The following LIMCH1 variants were observed in gnomAD, a reference collection of about 807,000 sequenced individuals.
LIMCH1 encodes LIM and calponin homology domains-containing protein 1.
A neutral mutation model predicts 176.5 loss-of-function variants in LIMCH1; 113 were observed. That is an observed-to-expected ratio of 0.64 (90% CI 0.55 to 0.75). The LOEUF is 0.75. Among genes scored for constraint, LIMCH1 ranks in the 30% least tolerant of loss-of-function variants. LIMCH1 has a pLI of 0.00. For synonymous variants in LIMCH1, 619 were observed against 645.9 expected, an observed-to-expected ratio of 0.96 and a Z score of 0.63; for missense variants, 1,674 against 1,814.9, an observed-to-expected ratio of 0.92 and a Z score of 1.41.
At chr4:41,477,022 C>T (rs2067851202) in intron 1 of LIMCH1, among the ~76,000 whole-genome samples, 1 of 152,154 alleles carries the variant, frequency 6.6e-6, no homozygotes, top group African/African-American at 2.4e-5. Context: ...TCTGATCTTT[C>T]TTTGCAACTC....
chr4:41,611,704 A>G (rs2091435785), intron 4 of LIMCH1, among the ~76,000 whole-genome samples: 1 of 152,242 alleles, frequency 6.6e-6, no homozygotes. Context: ...GTGAGGATTA[A>G]ATAACATAAC....
chr4:41,510,969 A>G (rs2074834169), intron 2 of LIMCH1, among the ~76,000 whole-genome samples: 1 of 152,234 alleles, frequency 6.6e-6, no homozygotes. Context: ...GAATAAAAAG[A>G]AAAAGTGAAG....
Position 41,646,872 on chromosome 4 carries a change from A to G in LIMCH1, c.2799A>G (p.Gln933=), listed in dbSNP as rs577604561. ...PKPYSQPKNS[Q]DVLKTFKVDG... The stretch of plus-strand genomic sequence containing the variant: ...CTTACTCCCAGCCCAAAAATTCTCA[A>G]GATGTTCTGAAGACCTTTAAGGTAG... The change falls in exon 17 of 32, where the codon CAA becomes CAG. Residue 933 remains glutamine (Q), a synonymous_variant. Coordinates refer to ENST00000503057, the MANE Select transcript of LIMCH1 (RefSeq NM_001330672.2). 3.8e-5 allele frequency: 62 copies of G among 1,613,768 alleles called. 2 individuals carry two copies. The South Asian group carries it at 6.4e-4, about 17-fold the overall frequency.
intron 13 of LIMCH1, among the ~76,000 whole-genome samples, chr4:41,636,891 A>G (rs1562023029): frequency 6.6e-6 from 1 of 152,236 alleles, no homozygotes; most frequent in East Asian, 1.9e-4. Context: ...ATCTATGCAT[A>G]TGTTCATTTT....
In LIMCH1 at chr4:41,682,672, C is replaced by CTTTTTT. The variant is rs1479823691; in HGVS notation, c.3845+214_3845+215insTTTTTT. ...TATAAATAGCCTTATTTTTTTTCTTCTTCTTCTTTTTTTTTTTTTTGCTTG... is the reference window on the plus strand; with the variant it reads ...TATAAATAGCCTTATTTTTTTTCTTCTTTTTTTTCTTCTTTTTTTTTTTTTTGCTTG... On this transcript the variant is annotated intron_variant, in intron 26 of 31. Transcript: ENST00000503057. 6.1e-4 allele frequency among the ~76,000 whole-genome samples: 86 copies of CTTTTTT among 139,984 alleles called. 4 individuals carry two copies. Among genetic ancestry groups the CTTTTTT allele is most frequent in the Non-Finnish European group, 7.4e-4 (47 of 63,828 alleles). 91.8% of individuals were successfully genotyped at this position (139,984 alleles called of 152,430 possible).
At chr4:41,682,757 A>G (rs946177908) in intron 26 of LIMCH1, among the ~76,000 whole-genome samples, 1 of 151,080 alleles carries the variant, frequency 6.6e-6, no homozygotes, top group Admixed American at 6.6e-5. Context: ...GCTCACTGCA[A>G]CTGCTACCTC....
At chr4:41,380,775 G>T (rs1287296266) in intron 1 of LIMCH1, among the ~76,000 whole-genome samples, 1 of 152,154 alleles carries the variant, frequency 6.6e-6, no homozygotes, top group Non-Finnish European at 1.5e-5. Context: ...TTATGTGGGG[G>T]TGTGTGAAGA....
At chr4:41,448,359 G>A (rs1035097207) in intron 1 of LIMCH1, among the ~76,000 whole-genome samples, 5 of 152,070 alleles carry the variant, frequency 3.3e-5, no homozygotes, top group Admixed American at 3.3e-4. Context: ...GAGAAGGCTC[G>A]AAGACTCAAC....
intron 24 of LIMCH1, 139 bp downstream of exon 24, chr4:41,680,237 TA>T (rs1435507983): frequency 1.3e-4 from 82 of 644,056 alleles, no homozygotes; most frequent in Admixed American, 5.8e-4. Flanking sequence ...TCAAGCTCTT[TA>T]AAACAGTCAT....
At chr4:41,410,639 C>T (rs2059398180) in intron 1 of LIMCH1, among the ~76,000 whole-genome samples, 1 of 152,128 alleles carries the variant, frequency 6.6e-6, no homozygotes, top group Non-Finnish European at 1.5e-5. Flanking sequence ...GACAGCACCC[C>T]TCCCCTGCAT....
intron 13 of LIMCH1, among the ~76,000 whole-genome samples, 167 bp downstream of exon 13, chr4:41,633,975 G>A (rs2093456695): frequency 6.6e-6 from 1 of 152,184 alleles, no homozygotes; most frequent in Admixed American, 6.5e-5. Context: ...CTTTTTACAT[G>A]TAAGCAGGTG....
At chr4:41,377,331 C>G (rs1383425716) in intron 1 of LIMCH1, among the ~76,000 whole-genome samples, 1 of 152,158 alleles carries the variant, frequency 6.6e-6, no homozygotes, top group Non-Finnish European at 1.5e-5. Context: ...CAAAACCATG[C>G]AACAAATGGT....
At chr4:41,501,430 G>A (rs190491383) in intron 2 of LIMCH1, among the ~76,000 whole-genome samples, 7 of 152,170 alleles carry the variant, frequency 4.6e-5, no homozygotes, top group Admixed American at 1.3e-4. Context: ...TTAGAAGGCC[G>A]AAAAGATTCC....
intron 25 of LIMCH1, among the ~76,000 whole-genome samples, chr4:41,681,647 G>C (rs115602543): frequency 0.013 from 2,041 of 151,966 alleles, 50 homozygotes; most frequent in African/African-American, 0.046. Flanking sequence ...ACTCCAGCCC[G>C]GGTGAGAGAA....
rs567168084 is a variant in LIMCH1, at chr4:41,429,322, GT to G, written c.97-65207del. Among the ~76,000 whole-genome samples the G allele has an allele frequency of 3.3e-4, 50 of 151,984 alleles. 1 individual carries two copies. In the East Asian group the frequency reaches 9.6e-3, roughly 29 times the overall value. ...GTGCTTCTAGTGCTCTGACCCATGG[GT>G]TTTTTTAAATATAAATTCACTTGCG... On this transcript the variant is annotated intron_variant, in intron 1 of 26. Transcript: ENST00000313860.
chr4:41,431,487 A>G (rs1051926960), intron 1 of LIMCH1, among the ~76,000 whole-genome samples: 1 of 152,202 alleles, frequency 6.6e-6, no homozygotes, highest in Non-Finnish European at 1.5e-5. Flanking sequence ...CAAGCACCCA[A>G]TAAATATTCC....
chr4:41,446,433 G>A (rs971242293), intron 1 of LIMCH1, among the ~76,000 whole-genome samples: 17 of 152,184 alleles, frequency 1.1e-4, no homozygotes, highest in African/African-American at 2.2e-4. Flanking sequence ...ACAAATATAC[G>A]TAGTTAATGG....
chr4:41,646,410 A>G, intron 16 of LIMCH1, 75 bp from the exon 17 acceptor site: 2 of 1,543,542 alleles, frequency 1.3e-6, no homozygotes, highest in Non-Finnish European at 1.8e-6. Context: ...CTTCAGTGCT[A>G]CCTTCGTTTC....
intron 1 of LIMCH1, among the ~76,000 whole-genome samples, chr4:41,392,377 A>G: frequency 6.6e-6 from 1 of 152,214 alleles, no homozygotes. Context: ...TAATGTAAAG[A>G]CATGAAGGAA....
Sources: gnomAD v4.1 joint callset for allele counts (sites outside exome capture counted in the v4.1 genomes callset) on GRCh38, gnomAD v4.1.1 for gene constraint, MANE v1.5 for transcripts, NCBI Gene and HGNC (gene_info 2026-07-23, HGNC 2026-07-21) for gene names.